Variants in TH observed in about 807,000 individuals in gnomAD.
TH encodes the protein tyrosine hydroxylase, also known as tyrosine 3-monooxygenase.
In TH, 49 loss-of-function variants were observed where a neutral mutation model predicts 57.4. The ratio of observed to expected loss-of-function variants is 0.85; its 90% CI spans 0.68 to 1.08. The LOEUF (loss-of-function observed/expected upper bound fraction) is 1.08. TH is among the 50% of genes least tolerant of loss of function. The probability of loss-of-function intolerance (pLI) is 0.00; values close to 1 mark genes in which losing one functional copy is unlikely to be tolerated. For synonymous variants in TH, 330 were observed against 304.5 expected (o/e 1.08, Z -0.87); for missense variants, 720 against 696.7 (o/e 1.03, Z -0.38).
Position 2,165,334 on chromosome 11 carries a change from G to T in TH, c.1232C>A (p.Ala411Asp), listed in dbSNP as rs773958550. The part of the protein sequence containing the change: ...HCLSEEPEIR[A>D]FDPEAAAVQP... ...CACGGCCGCAGCCTCAGGGTCGAAG[G>T]CCCGAATCTCAGGCTCCTCAGACAG... The change falls in exon 12 of 13, where the codon GCC (alanine) becomes GAC (aspartate). Residue 411 changes from alanine to aspartate, a missense_variant. Transcript: ENST00000352909. 1 of 1,612,128 alleles carries T rather than the reference G, an allele frequency of 6.2e-7. No individual in the cohort carries two copies. Among genetic ancestry groups the T allele is most frequent in the East Asian group, 2.2e-5 (1 of 44,864 alleles).
In TH at chr11:2,166,869, C is replaced by T. The variant is rs561369769; in HGVS notation, c.841+18G>A. The T allele has an allele frequency of 5.0e-6, 8 of 1,601,886 alleles. No homozygotes were observed. The East Asian group carries it at 1.8e-4, about 36-fold the overall frequency. The stretch of plus-strand genomic sequence containing the variant: ...ATCCCCGGCCCCCCGGCTCTGCGCC[C>T]CTCCCGTCTGGGCACACCCTTCAGG... On this transcript the variant is annotated intron_variant, in intron 7 of 12. Coordinates refer to ENST00000352909, the MANE Select transcript of TH (RefSeq NM_000360.4).
chr11:2,166,207 C>A, intron 9 of TH, 149 bp from the exon 10 acceptor site: 2 of 977,766 alleles, frequency 2.0e-6, no homozygotes, highest in Non-Finnish European at 3.1e-6. Context: ...GGATCCGCAC[C>A]TCCACCGGGC....
intron 6 of TH, 57 bp from the exon 7 acceptor site, chr11:2,167,089 CCTCCT>C (rs1846120036): frequency 6.5e-7 from 1 of 1,545,468 alleles, no homozygotes; most frequent in African/African-American, 1.4e-5. Flanking sequence ...CCGAAACCCC[CCTCCT>C]GAACTGTGGG....
In TH at chr11:2,166,673, A is replaced by G; in HGVS notation, c.937T>C (p.Tyr313His). The G allele has an allele frequency of 6.4e-7, 1 of 1,566,212 alleles. No homozygotes were observed. The highest frequency in any genetic ancestry group is 8.7e-7 in the Non-Finnish European group (1 of 1,156,048). ...LAFRVFQCTQ[Y>H]IRHASSPMHS... ...ATGGGCGAGGACGCGTGGCGGATAT[A>G]CTGGGTGCACTGGAACACGCGGAAG... The change falls in exon 8 of 13, where the codon TAT (tyrosine) becomes CAT (histidine). Residue 313 changes from tyrosine (Y) to histidine (H), a missense_variant. Coordinates refer to ENST00000352909, the MANE Select transcript of TH (RefSeq NM_000360.4).
chr11:2,171,011 T>C lies in TH; in HGVS notation c.90+686A>G, dbSNP rs1249303017. Reference sequence around the variant, plus strand: ...TCCTGTGGGCTGAAAAGCTCCCGATTATCCAGCCTGGCCCACACAGTCCCC... The same window carrying C: ...TCCTGTGGGCTGAAAAGCTCCCGATCATCCAGCCTGGCCCACACAGTCCCC... On this transcript the variant is annotated intron_variant, in intron 1 of 12. Coordinates refer to ENST00000352909, the MANE Select transcript of TH (RefSeq NM_000360.4). This position sits in a 1 kb window ranked among gnomAD's most constrained non-coding sequence, Gnocchi z 8.6. 6.6e-6 allele frequency among the ~76,000 whole-genome samples: 1 copy of C among 152,032 alleles called. No homozygotes were observed. The highest frequency in any genetic ancestry group is 2.4e-5 in the African/African-American group (1 of 41,386).
Position 2,166,927 on chromosome 11 carries a change from G to A in TH, c.801C>T (p.Asp267=). The A allele has an allele frequency of 6.2e-7, 1 of 1,602,616 alleles. No homozygotes were observed. The highest frequency in any genetic ancestry group is 1.1e-5 in the South Asian group (1 of 88,906). The change falls in exon 7 of 13, where the codon GAC becomes GAT. Residue 267 remains aspartate, a synonymous_variant. Coordinates refer to ENST00000352909, the MANE Select transcript of TH (RefSeq NM_000360.4). ...LLERFSGYRE[D]NIPQLEDVSR... is the part of the protein sequence containing the mutation. Reference sequence around the variant, plus strand: ...AGACGTCCTCCAGCTGGGGGATATTGTCTTCCCGGTAGCCGCTGAAGCGCT... The same window carrying A: ...AGACGTCCTCCAGCTGGGGGATATTATCTTCCCGGTAGCCGCTGAAGCGCT...
Position 2,170,583 on chromosome 11 carries a change from G to T in TH, c.91-712C>A, listed in dbSNP as rs1846225145. 12 of 1,018,446 alleles carry T rather than the reference G, an allele frequency of 1.2e-5. No individual in the cohort carries two copies. The highest frequency in any genetic ancestry group is 2.0e-5 in the Admixed American group (1 of 50,266). 63.1% of individuals were successfully genotyped at this position (1,018,446 alleles called of 1,614,324 possible). On this transcript the variant is annotated intron_variant, in intron 1 of 12. Transcript: ENST00000352909. This position sits in a 1 kb window ranked among gnomAD's most constrained non-coding sequence, Gnocchi z 6.0. ...CCCTTGGAGCTGAACTCCCAAGAAGGCTCTGGGCCCCTTGTAAGAGAAGAA... is the reference window on the plus strand; with the variant it reads ...CCCTTGGAGCTGAACTCCCAAGAAGTCTCTGGGCCCCTTGTAAGAGAAGAA...
At chr11:2,167,776 G>A (rs1430761650) in intron 5 of TH, 90 bp downstream of exon 5, 1 of 1,432,432 alleles carries the variant, frequency 7.0e-7, no homozygotes, top group Non-Finnish European at 9.6e-7. Context: ...TGACAAGATG[G>A]GTCCTCCCCT....
In TH at chr11:2,171,100, A is replaced by AATGAATG. The variant is rs1554924201; in HGVS notation, c.90+590_90+596dup. ...AGACTCCATGGTGAATGAATGAATG[A>AATGAATG]ATGAATGAATGAATGAGGGAAATAA... On this transcript the variant is annotated intron_variant, in intron 1 of 12. Coordinates refer to ENST00000352909, the MANE Select transcript of TH (RefSeq NM_000360.4). The surrounding 1 kb of genome is among the most constrained non-coding windows in gnomAD (Gnocchi z 8.6). Among the ~76,000 whole-genome samples the AATGAATG allele has an allele frequency of 1.9e-4, 29 of 151,504 alleles. No homozygotes were observed. The highest frequency in any genetic ancestry group is 3.1e-4 in the Non-Finnish European group (21 of 67,852).
Position 2,167,463 on chromosome 11 carries a change from C to T in TH, c.667G>A (p.Glu223Lys). 1.3e-6 allele frequency: 2 copies of T among 1,564,196 alleles called. No homozygotes were observed. The highest frequency in any genetic ancestry group is 1.7e-6 in the Non-Finnish European group (2 of 1,154,298). Residue 223 changes from glutamate to lysine, a missense_variant, in exon 6 of 13, where the codon GAG becomes AAG. Coordinates refer to ENST00000352909, the MANE Select transcript of TH (RefSeq NM_000360.4). ...YRHGDPIPRVEYTAEEIATWK... is the reference protein window; with the variant it reads ...YRHGDPIPRVKYTAEEIATWK... ...GTGGCAATCTCCTCGGCGGTGTACT[C>T]CACACGGGGAATCGGGTCGCCGCTG...
chr11:2,164,527 C>A, intron 12 of TH, 135 bp from the exon 13 acceptor site: 1 of 1,034,888 alleles, frequency 9.7e-7, no homozygotes, highest in South Asian at 1.8e-5. Flanking sequence ...GCCAACTGGT[C>A]ACAGGCGGGA....
chr11:2,165,647 G>T, intron 11 of TH, 21 bp downstream of exon 11: 1 of 1,610,488 alleles, frequency 6.2e-7, no homozygotes, highest in Non-Finnish European at 8.5e-7. Flanking sequence ...GCTGGGGGCT[G>T]CAGCAAGGAG....
At position 2,165,900 on chromosome 11, in the gene TH, G is replaced by C; in HGVS notation, c.1104+102C>G. 4.7e-6 allele frequency: 7 copies of C among 1,496,756 alleles called. No individual in the cohort carries two copies. In the South Asian group the frequency reaches 8.4e-5, roughly 18 times the overall value. The allele number at this position is 1,496,756 out of a possible 1,614,324, so 92.7% of individuals were successfully genotyped here. On this transcript the variant is annotated intron_variant, in intron 10 of 12. Transcript: ENST00000352909. ...CAGGCCAGGGTGAGGGTCACAATTC[G>C]TGGGTGGAAGGAGAGGCCTCAGCCT...
In TH at chr11:2,164,337, G is replaced by A. The variant is rs777421313; in HGVS notation, c.1390C>T (p.Leu464=). 7.0e-5 allele frequency: 108 copies of A among 1,543,794 alleles called. 1 individual carries two copies. The highest frequency in any genetic ancestry group is 9.3e-5 in the Non-Finnish European group (106 of 1,141,952). ...PFSVKFDPYT[L]AIDVLDSPQA... ...GGGCTGTCCAGCACGTCGATGGCCA[G>A]CGTGTACGGGTCGAACTTCACGGAG... The change falls in exon 13 of 13, where the codon CTG becomes TTG. Residue 464 remains leucine, a synonymous_variant. Transcript: ENST00000352909.
chr11:2,165,478 C>A, intron 11 of TH, 113 bp from the exon 12 acceptor site: 2 of 1,516,300 alleles, frequency 1.3e-6, no homozygotes, highest in East Asian at 4.6e-5. Context: ...CCCCCATCTC[C>A]CCCGCCGGGC....
intron 5 of TH, 132 bp downstream of exon 5, chr11:2,167,734 C>T: frequency 2.4e-6 from 3 of 1,251,284 alleles, no homozygotes; most frequent in Non-Finnish European, 3.4e-6. Flanking sequence ...AGCCCTGGAG[C>T]AGAGCTGCCT....
At chr11:2,165,468 C>T (rs908536970) in intron 11 of TH, 103 bp from the exon 12 acceptor site, 12 of 1,533,002 alleles carry the variant, frequency 7.8e-6, no homozygotes, top group Non-Finnish European at 1.1e-5. Flanking sequence ...GGTAGAGTCA[C>T]CCCCATCTCC....
intron 11 of TH, 111 bp from the exon 12 acceptor site, chr11:2,165,476 TCCC>T: frequency 6.5e-7 from 1 of 1,527,210 alleles, no homozygotes. Flanking sequence ...CACCCCCATC[TCCC>T]CCGCCGGGCC....
chr11:2,169,248 T>G (rs1003966156), intron 2 of TH, among the ~76,000 whole-genome samples: 1 of 151,674 alleles, frequency 6.6e-6, no homozygotes, highest in African/African-American at 2.4e-5. Context: ...CGGGGCACAG[T>G]GGGGCCGGAG....
Sources: gnomAD v4.1 joint callset for allele counts (sites outside exome capture counted in the v4.1 genomes callset) on GRCh38, gnomAD v4.1.1 for gene constraint, Gnocchi (gnomAD v3.1) non-coding constraint, MANE v1.5 for transcripts, NCBI Gene and HGNC (gene_info 2026-07-23, HGNC 2026-07-21) for gene names.